GALNT14: variants seen among roughly 807,000 people sequenced by gnomAD.
GALNT14 encodes the protein polypeptide N-acetylgalactosaminyltransferase 14.
Under a neutral mutation model 77.5 loss-of-function variants are expected in GALNT14, and 60 were observed. The ratio of observed to expected loss-of-function variants is 0.77; its 90% CI spans 0.63 to 0.96. The LOEUF (loss-of-function observed/expected upper bound fraction) is 0.96. Ranked by LOEUF, GALNT14 falls within the 40% of genes least tolerant of loss-of-function variation. The probability of loss-of-function intolerance (pLI) is 0.00; values close to 1 mark genes in which losing one functional copy is unlikely to be tolerated. For missense variants in GALNT14, 710 were observed against 731.0 expected, an observed-to-expected ratio of 0.97 and a Z score of 0.33; for synonymous variants, 280 against 281.7, an observed-to-expected ratio of 0.99 and a Z score of 0.06.
At chr2:31,135,238 C>G (rs969108386) in intron 1 of GALNT14, among the ~76,000 whole-genome samples, 4 of 152,164 alleles carry the variant, frequency 2.6e-5, no homozygotes, top group Admixed American at 1.3e-4. Context: ...AGAACCTTCT[C>G]CCAAACTCAC....
chr2:31,063,972 T>C (rs1177906397), intron 1 of GALNT14, among the ~76,000 whole-genome samples: 4 of 152,224 alleles, frequency 2.6e-5, no homozygotes, highest in African/African-American at 7.2e-5. Context: ...AAGGCAGCCC[T>C]ACAGAGGGGA....
At chr2:31,029,707 G>A (rs572201545) in intron 1 of GALNT14, among the ~76,000 whole-genome samples, 98 of 151,348 alleles carry the variant, frequency 6.5e-4, no homozygotes, top group African/African-American at 2.3e-3. Context: ...CATCCCAGAG[G>A]AGTAGCAATC....
intron 2 of GALNT14, among the ~76,000 whole-genome samples, chr2:30,969,474 GC>G (rs1668211144): frequency 6.6e-6 from 1 of 152,184 alleles, no homozygotes; most frequent in Admixed American, 6.5e-5. Context: ...GGGGACAGGG[GC>G]CATTTGTCCT....
At chr2:30,988,365 G>T (rs1669449624) in intron 2 of GALNT14, among the ~76,000 whole-genome samples, 1 of 152,152 alleles carries the variant, frequency 6.6e-6, no homozygotes, top group African/African-American at 2.4e-5. Context: ...AGTCCAGAGT[G>T]GGCCAATGGC....
intron 8 of GALNT14, among the ~76,000 whole-genome samples, chr2:30,944,325 T>C (rs1044393091): frequency 5.3e-5 from 8 of 152,166 alleles, no homozygotes; most frequent in African/African-American, 1.2e-4. Context: ...TGGGAGAGAA[T>C]GTGGGTCAGT....
chr2:31,026,118 G>C (rs758202432), intron 1 of GALNT14, among the ~76,000 whole-genome samples: 3 of 152,206 alleles, frequency 2.0e-5, no homozygotes, highest in Non-Finnish European at 2.9e-5. Flanking sequence ...CCTCAGACAT[G>C]CCGAGTCCAC....
At chr2:30,929,538 G>C in intron 10 of GALNT14, 51 bp from the exon 11 acceptor site, 1 of 1,376,704 alleles carries the variant, frequency 7.3e-7, no homozygotes, top group Non-Finnish European at 1.0e-6. Flanking sequence ...TGTCTGAGAG[G>C]CCCTGTGAGT....
intron 1 of GALNT14, among the ~76,000 whole-genome samples, chr2:31,092,135 C>T (rs944270889): frequency 2.0e-5 from 3 of 152,100 alleles, no homozygotes; most frequent in South Asian, 4.2e-4. Flanking sequence ...GAAGCTTGCA[C>T]CGTTGGCTTC....
At position 30,966,225 on chromosome 2, in the gene GALNT14, G is replaced by A. The variant is rs149129327; in HGVS notation, c.377C>T (p.Thr126Met). The A allele has an allele frequency of 2.7e-4, 443 of 1,613,904 alleles. 1 individual carries two copies. The highest frequency in any genetic ancestry group is 3.6e-4 in the Non-Finnish European group (423 of 1,179,902). ...IITFHNEARSTLLRTIRSVLN... is the reference protein window; with the variant it reads ...IITFHNEARSMLLRTIRSVLN... The stretch of plus-strand genomic sequence containing the variant: ...TCACCTGCGGATGGTCCTGAGCAGC[G>A]TGGAGCGGGCCTCGTTGTGGAAGGT... Residue 126 changes from threonine (T) to methionine (M), a missense_variant, in exon 3 of 15, where the codon ACG (threonine) becomes ATG (methionine). Transcript: ENST00000349752.
At chr2:31,113,879 A>G (rs1267697637) in intron 1 of GALNT14, among the ~76,000 whole-genome samples, 1 of 152,170 alleles carries the variant, frequency 6.6e-6, no homozygotes, top group Non-Finnish European at 1.5e-5. Flanking sequence ...CCCCAGTACA[A>G]CAGTGGGCCT....
At chr2:31,031,732 C>T (rs1296403025) in intron 1 of GALNT14, among the ~76,000 whole-genome samples, 1 of 152,160 alleles carries the variant, frequency 6.6e-6, no homozygotes, top group Non-Finnish European at 1.5e-5. Context: ...TTGAAAATAG[C>T]TACCATCCTT....
chr2:31,092,006 T>C (rs1226122002), intron 1 of GALNT14, among the ~76,000 whole-genome samples: 1 of 152,176 alleles, frequency 6.6e-6, no homozygotes, highest in Admixed American at 6.5e-5. Flanking sequence ...ACCCTTCATC[T>C]TTCTGCCGTG....
chr2:30,908,840 G>A (rs1272581037), downstream of GALNT14, among the ~76,000 whole-genome samples: 19 of 149,016 alleles, frequency 1.3e-4, no homozygotes, highest in South Asian at 3.2e-3. Context: ...AAAACAGCAC[G>A]GTACTGGTAC....
At position 30,987,377 on chromosome 2, in the gene GALNT14, C is replaced by G. The variant is rs148455135; in HGVS notation, c.299+5461G>C. Among the ~76,000 whole-genome samples the G allele has an allele frequency of 3.9e-3, 587 of 152,238 alleles. 1 individual carries two copies. The highest frequency in any genetic ancestry group is 0.014 in the Middle Eastern group (4 of 294). On this transcript the variant is annotated intron_variant, in intron 2 of 14. Transcript: ENST00000349752. Reference sequence around the variant, plus strand: ...TACTGGATGTAGCATCACTCAGTGCCCACTGCCAAGGACCCTGGAAATCCT... The same window carrying G: ...TACTGGATGTAGCATCACTCAGTGCGCACTGCCAAGGACCCTGGAAATCCT...
At chr2:30,957,661 G>T (rs1004303681) in intron 4 of GALNT14, among the ~76,000 whole-genome samples, 1 of 152,200 alleles carries the variant, frequency 6.6e-6, no homozygotes, top group Non-Finnish European at 1.5e-5. Flanking sequence ...ACCGCAGTGT[G>T]GGGGTGGCTC....
intron 1 of GALNT14, among the ~76,000 whole-genome samples, chr2:31,027,304 T>C (rs756110918): frequency 1.3e-5 from 2 of 151,916 alleles, no homozygotes; most frequent in African/African-American, 2.4e-5. Flanking sequence ...TGGTGGCACA[T>C]GCCTTGGGAG....
intron 6 of GALNT14, among the ~76,000 whole-genome samples, chr2:30,947,750 A>G (rs1224433437): frequency 1.3e-5 from 2 of 152,010 alleles, no homozygotes; most frequent in South Asian, 2.1e-4. Context: ...CTTTCCCCCA[A>G]ATGAGGTTGT....
intron 1 of GALNT14, among the ~76,000 whole-genome samples, chr2:31,077,462 C>A (rs1675874050): frequency 6.6e-6 from 1 of 152,162 alleles, no homozygotes; most frequent in Non-Finnish European, 1.5e-5. Flanking sequence ...TTCAATTACC[C>A]CAGGAAATAT....
chr2:31,050,691 T>A (rs769009945), intron 1 of GALNT14, among the ~76,000 whole-genome samples: 1 of 151,974 alleles, frequency 6.6e-6, no homozygotes, highest in Non-Finnish European at 1.5e-5. Context: ...CAGGGGGAAC[T>A]GGGTGAGGGG....
Sources: allele counts gnomAD v4.1 joint callset (sites outside exome capture counted in the v4.1 genomes callset), GRCh38; gene constraint gnomAD v4.1.1; transcripts MANE v1.5; gene names NCBI Gene and HGNC (gene_info 2026-07-23, HGNC 2026-07-21).